TBC1D8B: variants seen among roughly 807,000 people sequenced by gnomAD.
TBC1D8B encodes the protein RP11-321G1.1.
A neutral mutation model predicts 82.9 loss-of-function variants in TBC1D8B; 75 were observed. That is an observed-to-expected ratio of 0.90 (90% CI 0.75 to 1.10). The LOEUF (loss-of-function observed/expected upper bound fraction) is 1.10. Among genes scored for constraint, TBC1D8B ranks in the 50% least tolerant of loss-of-function variants. The pLI is 0.00. For synonymous variants in TBC1D8B, 276 were observed against 276.8 expected, an observed-to-expected ratio of 1.00 and a Z score of 0.03; for missense variants, 794 against 796.9, an observed-to-expected ratio of 1.00 and a Z score of 0.04.
chrX:106,814,965 G>T (rs990442688), intron 1 of TBC1D8B: 1 of 111,254 alleles, frequency 9.0e-6, no homozygotes, highest in African/African-American at 3.3e-5. Context: ...CAGATGAGTA[G>T]GTTGTGAAAA....
intron 7 of TBC1D8B, among the ~76,000 whole-genome samples, chrX:106,833,186 G>T (rs1263971401): frequency 9.0e-6 from 1 of 111,500 alleles, no homozygotes; most frequent in Non-Finnish European, 1.9e-5. Flanking sequence ...TACACATAAA[G>T]AAATGTTAAT....
chrX:106,819,429 G>T (rs1447141121), intron 2 of TBC1D8B, among the ~76,000 whole-genome samples: 1 of 110,790 alleles, frequency 9.0e-6, no homozygotes, highest in African/African-American at 3.3e-5. Flanking sequence ...TTCCTTTTAT[G>T]ATGCCATTAT....
chrX:106,813,531 C>T (rs1378766146), intron 1 of TBC1D8B, among the ~76,000 whole-genome samples: 1 of 111,944 alleles, frequency 8.9e-6, no homozygotes, highest in Non-Finnish European at 1.9e-5. Context: ...ATTTTGACTA[C>T]TCCTCTCACA....
Position 106,865,928 on chromosome X carries a change from T to C in TBC1D8B, c.2557T>C (p.Trp853Arg). The change falls in exon 16 of 21, where the codon TGG (tryptophan) becomes CGG (arginine). Residue 853 changes from tryptophan (W) to arginine (R), a missense_variant. By Grantham distance (101) the Trp-to-Arg change is moderately radical (BLOSUM62 -3). Coordinates refer to ENST00000357242, the MANE Select transcript of TBC1D8B (RefSeq NM_017752.3). ...AGCGTTGTATCACTTGTTGAGTCCC[T>C]GGGCTCATTCTGCAAATAAAGACTC... The part of the protein sequence containing the change: ...FRALYHLLSP[W>R]AHSANKDSLA... 8.3e-7 allele frequency: 1 copy of C among 1,210,980 alleles called. No individual in the cohort carries two copies. Among genetic ancestry groups the C allele is most frequent in the South Asian group, 1.8e-5 (1 of 56,932 alleles).
intron 17 of TBC1D8B, among the ~76,000 whole-genome samples, 173 bp from the exon 18 acceptor site, chrX:106,868,220 A>T (rs1438578741): frequency 9.1e-6 from 1 of 110,355 alleles, no homozygotes; most frequent in East Asian, 2.8e-4. Flanking sequence ...ATATTACAGT[A>T]TAATTACTAT....
chrX:106,805,701 T>G (rs772539055), intron 1 of TBC1D8B, among the ~76,000 whole-genome samples: 39 of 111,968 alleles, frequency 3.5e-4, no homozygotes, highest in Non-Finnish European at 7.0e-4. Flanking sequence ...CTTTTAAGGT[T>G]CATTTGGTTC....
In TBC1D8B at chrX:106,839,406, CT is replaced by C. The variant is rs780442101; in HGVS notation, c.1304del (p.Leu435Ter). ...ECSKTVNTEALMTVFHPQNLE... is the reference protein window; with the variant it reads ...ECSKTVNTEAXMTVFHPQNLE... Reference sequence around the variant, plus strand: ...GCAGTAAAACTGTGAACACTGAAGCCTTAATGACAGTATTTCACCCTCAGAA... The same window carrying C: ...GCAGTAAAACTGTGAACACTGAAGCCTAATGACAGTATTTCACCCTCAGAA... On this transcript the variant is annotated frameshift_variant, in exon 8 of 21. Coordinates refer to ENST00000357242, the MANE Select transcript of TBC1D8B (RefSeq NM_017752.3). LOFTEE classifies it high-confidence loss of function. 1 of 1,183,249 alleles carries C rather than the reference CT, an allele frequency of 8.5e-7. No individual in the cohort carries two copies. The highest frequency in any genetic ancestry group is 1.1e-6 in the Non-Finnish European group (1 of 880,813).
At chrX:106,821,316 C>G (rs1931685034) in intron 3 of TBC1D8B, among the ~76,000 whole-genome samples, 1 of 110,424 alleles carries the variant, frequency 9.1e-6, no homozygotes, top group African/African-American at 3.3e-5. Context: ...AAATGTTTGT[C>G]TTTGGTGCCC....
At position 106,850,103 on chromosome X, in the gene TBC1D8B, T is replaced by G; in HGVS notation, c.1916T>G (p.Met639Arg). 1 of 1,211,540 alleles carries G rather than the reference T, an allele frequency of 8.3e-7. No individual in the cohort carries two copies. The highest frequency in any genetic ancestry group is 1.1e-6 in the Non-Finnish European group (1 of 895,241). Residue 639 changes from methionine (M) to arginine (R), a missense_variant, in exon 12 of 21, where the codon ATG becomes AGG. Met to Arg is a moderately conservative substitution (Grantham distance 91, BLOSUM62 -1). Coordinates refer to ENST00000357242, the MANE Select transcript of TBC1D8B (RefSeq NM_017752.3). ...LPQLTEHMTD[M>R]TFFSSVSLSW... ...CAGCTGACAGAACACATGACTGATA[T>G]GACATTCTTTTCCTCAGTTTCTCTC...
At chrX:106,829,696 G>C (rs1448804336) in intron 7 of TBC1D8B, 1 of 109,973 alleles carries the variant, frequency 9.1e-6, no homozygotes, top group Non-Finnish European at 1.9e-5. Context: ...AATGGGGAAA[G>C]GATTCCCTAT....
chrX:106,817,015 A>G lies in TBC1D8B; in HGVS notation c.131-1648A>G, dbSNP rs182423775. On this transcript the variant is annotated intron_variant, in intron 1 of 20. Transcript: ENST00000357242. The stretch of plus-strand genomic sequence containing the variant: ...TTTAAGTGGGTCAAAATAGGAAGAG[A>G]GCCAAAAGCCTGGTTTATAATTGAA... Among the ~76,000 whole-genome samples the G allele has an allele frequency of 3.7e-3, 413 of 111,547 alleles. 1 individual carries two copies. Among genetic ancestry groups the G allele is most frequent in the African/African-American group, 0.013 (404 of 30,808 alleles).
rs762859073 is a variant in TBC1D8B at position 106,825,965 on chromosome X, T to C, written c.828-65T>C. 3.5e-4 allele frequency: 343 copies of C among 988,287 alleles called. 2 individuals are homozygous for C. The South Asian group carries it at 4.7e-3, about 14-fold the overall frequency. 81.4% of individuals were successfully genotyped at this position (988,287 alleles called of 1,213,427 possible). The stretch of plus-strand genomic sequence containing the variant: ...ATGTAGATTAGTCAATATAGGCATA[T>C]GTATACCTTAGAATTCATTTCTAAA... On this transcript the variant is annotated intron_variant, in intron 5 of 20. Coordinates refer to ENST00000357242, the MANE Select transcript of TBC1D8B (RefSeq NM_017752.3).
At chrX:106,869,641 T>C in intron 19 of TBC1D8B, 100 bp downstream of exon 19, 2 of 560,440 alleles carry the variant, frequency 3.6e-6, no homozygotes, top group South Asian at 4.6e-5. Context: ...TTAAAGGCTA[T>C]TGATGTCTCA....
intron 9 of TBC1D8B, 42 bp from the exon 10 acceptor site, chrX:106,840,628 A>G (rs370815182): frequency 9.0e-7 from 1 of 1,109,471 alleles, no homozygotes; most frequent in Non-Finnish European, 1.2e-6. Context: ...TAGCTTCATT[A>G]TATCCACCTT....
rs761948032 is a variant in TBC1D8B at position 106,849,220 on chromosome X, A to ATTTT, written c.1838-786_1838-783dup. ...TGTCTTTCATTATAATTATTTGTGT[A>ATTTT]TTTTTTTTTTTTTTTTTTTTTTAGG... On this transcript the variant is annotated intron_variant, in intron 11 of 20. Coordinates refer to ENST00000357242, the MANE Select transcript of TBC1D8B (RefSeq NM_017752.3). 28 of 879,195 alleles carry ATTTT rather than the reference A, an allele frequency of 3.2e-5. 4 individuals carry two copies. The highest frequency in any genetic ancestry group is 5.5e-5 in the African/African-American group (2 of 36,311). The allele number at this position is 879,195 out of a possible 1,213,427, so 72.5% of individuals were successfully genotyped here. A position where few individuals can be genotyped will look rare whatever the true frequency, so the allele number is the denominator to read the frequency against.
chrX:106,848,051 C>T (rs1218266545), intron 10 of TBC1D8B, 135 bp from the exon 11 acceptor site: 1 of 364,828 alleles, frequency 2.7e-6, no homozygotes, highest in African/African-American at 2.6e-5. Flanking sequence ...GCTCAGAGTT[C>T]TCATGTTTCC....
rs780840776 is a variant in TBC1D8B at position 106,850,181 on chromosome X, A to C, written c.1994A>C (p.Asn665Thr). Residue 665 changes from asparagine to threonine, a missense_variant, in exon 12 of 21, where the codon AAT becomes ACT. Asn to Thr is a moderately conservative substitution (Grantham distance 65). Transcript: ENST00000357242. ...GTGCTACCTATTGAAAGTGCAGTGA[A>C]TGTGGTGGACTGTTTCTTCTATGAT... Reference protein sequence around the residue: ...ISVLPIESAVNVVDCFFYDGI... With the variant: ...ISVLPIESAVTVVDCFFYDGI... 3 of 1,211,483 alleles carry C rather than the reference A, an allele frequency of 2.5e-6. No individual in the cohort carries two copies. Among genetic ancestry groups the C allele is most frequent in the Admixed American group, 4.3e-5 (2 of 45,996 alleles).
Position 106,827,184 on chromosome X carries a change from T to C in TBC1D8B, c.1050T>C (p.Asp350=), listed in dbSNP as rs746453823. 4 of 1,210,756 alleles carry C rather than the reference T, an allele frequency of 3.3e-6. No homozygotes were observed. In the South Asian group the frequency reaches 7.0e-5, roughly 21 times the overall value. The change falls in exon 7 of 21, where the codon GAT becomes GAC. Residue 350 remains aspartate (D), a synonymous_variant. Coordinates refer to ENST00000357242, the MANE Select transcript of TBC1D8B (RefSeq NM_017752.3). ...TCACCCCCTAGGTCTTAGCTATAGA[T>C]AAGACAAATGATTCCAGCAAATCTG... is the stretch of plus-strand genomic sequence containing the variant. The part of the protein sequence containing the change: ...IIPLREVLAI[D]KTNDSSKSVI...
At position 106,823,210 on chromosome X, in the gene TBC1D8B, T is replaced by G; in HGVS notation, c.587-16T>G. ...ATGAAAATTTAATCATACCTGCTTA[T>G]ACCTCTTATTTGCAGTAAAACTCAT... On this transcript the variant is annotated splice_polypyrimidine_tract_variant and intron_variant, in intron 4 of 20. Coordinates refer to ENST00000357242, the MANE Select transcript of TBC1D8B (RefSeq NM_017752.3). 1 of 1,199,356 alleles carries G rather than the reference T, an allele frequency of 8.3e-7. No homozygotes were observed. Among genetic ancestry groups the G allele is most frequent in the Non-Finnish European group, 1.1e-6 (1 of 887,183 alleles).
Sources: allele counts gnomAD v4.1 joint callset (sites outside exome capture counted in the v4.1 genomes callset), GRCh38; gene constraint gnomAD v4.1.1; transcripts MANE v1.5; gene names NCBI Gene and HGNC (gene_info 2026-07-23, HGNC 2026-07-21).